KCNK2: variants seen among roughly 807,000 people sequenced by gnomAD.
KCNK2 encodes potassium channel subfamily K member 2.
In KCNK2, 21 loss-of-function variants were observed where a neutral mutation model predicts 40.5. The ratio of observed to expected loss-of-function variants is 0.52; its 90% CI spans 0.37 to 0.75. The LOEUF is 0.75. Among genes scored for constraint, KCNK2 ranks in the 30% least tolerant of loss-of-function variants. The probability of loss-of-function intolerance (pLI) is 0.00; values close to 1 mark genes in which losing one functional copy is unlikely to be tolerated. For missense variants in KCNK2, 399 were observed against 531.6 expected, an observed-to-expected ratio of 0.75 and a Z score of 2.45; for synonymous variants, 191 against 202.2, an observed-to-expected ratio of 0.94 and a Z score of 0.47.
At chr1:215,146,774 A>G (rs866175956) in intron 3 of KCNK2, among the ~76,000 whole-genome samples, 4 of 152,346 alleles carry the variant, frequency 2.6e-5, no homozygotes, top group Middle Eastern at 3.4e-3. Flanking sequence ...CAGCTTTAAC[A>G]TTTAACAATT....
intron 1 of KCNK2, among the ~76,000 whole-genome samples, chr1:215,066,098 C>G (rs1658529353): frequency 6.7e-6 from 1 of 149,348 alleles, no homozygotes. Flanking sequence ...GGGAACATCA[C>G]ACACCAGGGC....
At chr1:215,153,320 G>A (rs940369172) in intron 3 of KCNK2, among the ~76,000 whole-genome samples, 13 of 152,126 alleles carry the variant, frequency 8.5e-5, no homozygotes, top group African/African-American at 3.1e-4. Context: ...CTTAAGTCAC[G>A]ATCCAAGGTT....
At chr1:215,075,969 G>A (rs779682110) in intron 1 of KCNK2, among the ~76,000 whole-genome samples, 1 of 152,196 alleles carries the variant, frequency 6.6e-6, no homozygotes, top group Non-Finnish European at 1.5e-5. Context: ...TTGGGGGTGG[G>A]CCCCATAATC....
At chr1:215,153,751 C>A in intron 3 of KCNK2, among the ~76,000 whole-genome samples, 1 of 152,058 alleles carries the variant, frequency 6.6e-6, no homozygotes, top group South Asian at 2.1e-4. Context: ...TCCCCTCACT[C>A]CCCACCCTCC....
At chr1:215,068,174 T>G (rs141451714) in intron 1 of KCNK2, among the ~76,000 whole-genome samples, 152 of 152,172 alleles carry the variant, frequency 1.0e-3, no homozygotes, top group African/African-American at 3.5e-3. Flanking sequence ...TAGTACTATA[T>G]AAATGATAAT....
At chr1:215,171,902 TTCTCTCTCTCTCTCTTTGTCTC>T in intron 4 of KCNK2, 73 bp from the exon 5 acceptor site, 3 of 787,768 alleles carry the variant, frequency 3.8e-6, no homozygotes, top group Non-Finnish European at 1.8e-6. Context: ...TACAAGTAAT[TTCTCTCTCTCTCTCTTTGTCTC>T]TCTCTCTCTC....
chr1:215,077,983 C>T (rs1002803139), upstream of KCNK2, among the ~76,000 whole-genome samples: 49 of 152,248 alleles, frequency 3.2e-4, no homozygotes, highest in African/African-American at 1.1e-3. Context: ...AATTGTGTTG[C>T]TCAGAAGATT....
intron 6 of KCNK2, among the ~76,000 whole-genome samples, chr1:215,196,795 T>C (rs1664885939): frequency 6.6e-6 from 1 of 151,822 alleles, no homozygotes; most frequent in African/African-American, 2.4e-5. Flanking sequence ...AGGGAAAAAA[T>C]GGAAATTGTA....
rs544675481 is a variant in KCNK2 at position 215,094,250 on chromosome 1, T to C, written c.357+7572T>C. 5.5e-3 allele frequency among the ~76,000 whole-genome samples: 840 copies of C among 152,036 alleles called. 5 individuals are homozygous for C. The highest frequency in any genetic ancestry group is 0.018 in the African/African-American group (760 of 41,492). On this transcript the variant is annotated intron_variant, in intron 2 of 6. Transcript: ENST00000444842. Reference sequence around the variant, plus strand: ...TCATAAAACTTTTTGTACCTAATTATAGATTTTAGGGACATAAAAATAGCC... The same window carrying C: ...TCATAAAACTTTTTGTACCTAATTACAGATTTTAGGGACATAAAAATAGCC...
chr1:215,164,346 T>G (rs1663346844), intron 3 of KCNK2, among the ~76,000 whole-genome samples: 1 of 152,192 alleles, frequency 6.6e-6, no homozygotes, highest in African/African-American at 2.4e-5. Flanking sequence ...GTCTATTTAG[T>G]TAATCTTTTC....
intron 6 of KCNK2, among the ~76,000 whole-genome samples, chr1:215,203,773 T>C (rs1665180742): frequency 6.6e-6 from 1 of 152,018 alleles, no homozygotes; most frequent in Admixed American, 6.6e-5. Flanking sequence ...TTCTATGGAC[T>C]TTTTAAAGAA....
intron 6 of KCNK2, among the ~76,000 whole-genome samples, chr1:215,218,497 C>T (rs12143625): frequency 0.69 from 104,645 of 152,076 alleles, 37,400 homozygotes; most frequent in Non-Finnish European, 0.78. Context: ...CCAGAATCCT[C>T]TCAGTCATTC....
intron 5 of KCNK2, among the ~76,000 whole-genome samples, chr1:215,180,699 G>A (rs1398981621): frequency 6.6e-6 from 1 of 152,010 alleles, no homozygotes; most frequent in African/African-American, 2.4e-5. Context: ...AGTCTCTCCT[G>A]GCTTGTCAGG....
chr1:215,043,629 T>A (rs1373458982), intron 1 of KCNK2, among the ~76,000 whole-genome samples: 1 of 152,136 alleles, frequency 6.6e-6, no homozygotes, highest in Non-Finnish European at 1.5e-5. Context: ...GTGGTTGCCA[T>A]GGGCTTGGGG....
intron 2 of KCNK2, among the ~76,000 whole-genome samples, chr1:215,113,169 T>G (rs562771027): frequency 6.6e-6 from 1 of 152,274 alleles, no homozygotes; most frequent in East Asian, 1.9e-4. Flanking sequence ...GTGGATAAAA[T>G]AAAATGTTCA....
At chr1:215,050,778 T>C (rs1387360672) in intron 1 of KCNK2, among the ~76,000 whole-genome samples, 1 of 152,318 alleles carries the variant, frequency 6.6e-6, no homozygotes, top group Middle Eastern at 3.4e-3. Flanking sequence ...CTTAAGGTCA[T>C]GTTAAGTGCT....
intron 2 of KCNK2, among the ~76,000 whole-genome samples, chr1:215,114,809 T>TTA (rs767744901): frequency 2.0e-4 from 31 of 152,260 alleles, no homozygotes; most frequent in Non-Finnish European, 3.8e-4. Context: ...TTCTTGTAGG[T>TTA]TATTAATGGC....
intron 2 of KCNK2, among the ~76,000 whole-genome samples, chr1:215,104,355 A>G (rs2102554544): frequency 6.6e-6 from 1 of 152,144 alleles, no homozygotes; most frequent in Non-Finnish European, 1.5e-5. Flanking sequence ...AAATACCATC[A>G]TCGTTCTAGG....
chr1:215,059,881 C>G (rs1363709309), intron 1 of KCNK2, among the ~76,000 whole-genome samples: 1 of 152,136 alleles, frequency 6.6e-6, no homozygotes. Context: ...TGGGGAACAC[C>G]CATGGCTGAC....
Sources: gnomAD v4.1 joint callset for allele counts (sites outside exome capture counted in the v4.1 genomes callset) on GRCh38, gnomAD v4.1.1 for gene constraint, MANE v1.5 for transcripts, NCBI Gene and HGNC (gene_info 2026-07-23, HGNC 2026-07-21) for gene names.